The following GRAMD4 variants were observed in gnomAD, a reference collection of about 807,000 sequenced individuals.
GRAMD4 encodes the protein GRAM domain containing 4, also known as GRAM domain-containing protein 4.
A neutral mutation model predicts 83.9 loss-of-function variants in GRAMD4; 25 were observed. The observed-to-expected ratio is 0.30, with a 90% CI of 0.22 to 0.42. The LOEUF is 0.42. GRAMD4 is among the 10% of genes least tolerant of loss of function. The pLI is 1.00. For missense variants in GRAMD4, 593 were observed against 788.7 expected (o/e 0.75, Z 2.97); for synonymous variants, 336 against 320.9 (o/e 1.05, Z -0.50).
At chr22:46,652,643 TG>T (rs2082183305) in intron 3 of GRAMD4, among the ~76,000 whole-genome samples, 1 of 152,066 alleles carries the variant, frequency 6.6e-6, no homozygotes, top group South Asian at 2.1e-4. Context: ...GCGTCCTCAG[TG>T]TCTGTGAGCA....
At chr22:46,590,489 C>T (rs192959926) in intron 1 of GRAMD4, among the ~76,000 whole-genome samples, 134 of 152,300 alleles carry the variant, frequency 8.8e-4, no homozygotes, top group African/African-American at 2.9e-3. Context: ...ACCTGGGCCA[C>T]TGTGTGTGTG....
At chr22:46,669,107 A>G (rs889832139) in intron 13 of GRAMD4, among the ~76,000 whole-genome samples, 199 bp downstream of exon 13, 2 of 152,044 alleles carry the variant, frequency 1.3e-5, no homozygotes, top group African/African-American at 4.8e-5. Flanking sequence ...TTCTTAAATC[A>G]AGAAGCCCTC....
intron 1 of GRAMD4, among the ~76,000 whole-genome samples, chr22:46,597,944 A>G (rs2081278297): frequency 6.6e-6 from 1 of 151,860 alleles, no homozygotes. Context: ...ACAAGGTGGC[A>G]TTTTTTTAGT....
intron 13 of GRAMD4, among the ~76,000 whole-genome samples, chr22:46,669,547 C>T (rs1050349747): frequency 2.6e-5 from 4 of 151,732 alleles, no homozygotes; most frequent in Admixed American, 6.6e-5. Context: ...CTTTGTCTTT[C>T]TCCTTTTCTT....
At chr22:46,680,678 C>T (rs1195339489), downstream of GRAMD4, among the ~76,000 whole-genome samples, 5 of 145,064 alleles carry the variant, frequency 3.4e-5, no homozygotes, top group African/African-American at 1.3e-4. Context: ...ATCAATCCAT[C>T]CACCCACCTA....
chr22:46,611,229 T>TA (rs59341177), intron 1 of GRAMD4, among the ~76,000 whole-genome samples: 1 of 149,556 alleles, frequency 6.7e-6, no homozygotes, highest in Non-Finnish European at 1.5e-5. Context: ...AAAAAAAAAA[T>TA]ATTAAATAAA....
At chr22:46,599,089 A>C (rs537720517) in intron 1 of GRAMD4, among the ~76,000 whole-genome samples, 1 of 152,280 alleles carries the variant, frequency 6.6e-6, no homozygotes, top group South Asian at 2.1e-4. Flanking sequence ...GGATCAGATC[A>C]GGACATCCCA....
chr22:46,680,106 G>A (rs2082652410), downstream of GRAMD4, among the ~76,000 whole-genome samples: 1 of 152,226 alleles, frequency 6.6e-6, no homozygotes, highest in South Asian at 2.1e-4. Flanking sequence ...GGCACAGGGC[G>A]AAGTGGGGGA....
chr22:46,673,655 G>C lies in GRAMD4; in HGVS notation c.1240-15G>C. The C allele has an allele frequency of 6.2e-7, 1 of 1,608,516 alleles. No individual in the cohort carries two copies. On this transcript the variant is annotated splice_polypyrimidine_tract_variant and intron_variant, in intron 14 of 18. Transcript: ENST00000406902. ...GGGCAGCGGGCCTGACCTCGACGCT[G>C]TTTGCCGTTGGCAGCTGCAGACGAC...
intron 1 of GRAMD4, among the ~76,000 whole-genome samples, chr22:46,584,946 C>A (rs534585031): frequency 4.6e-5 from 7 of 152,242 alleles, no homozygotes; most frequent in Non-Finnish European, 8.8e-5. Context: ...TCCATCCTGG[C>A]CAGGTCTGTC....
chr22:46,578,008 G>A (rs929353929), intron 1 of GRAMD4, among the ~76,000 whole-genome samples: 4 of 152,210 alleles, frequency 2.6e-5, no homozygotes, highest in African/African-American at 9.6e-5. Flanking sequence ...CAGCCGGGTG[G>A]GCTGGTGCCC....
At chr22:46,612,059 A>G (rs1474900949) in intron 1 of GRAMD4, among the ~76,000 whole-genome samples, 2 of 147,272 alleles carry the variant, frequency 1.4e-5, no homozygotes, top group Non-Finnish European at 3.0e-5. Context: ...GCTGGAGTGC[A>G]GTGGTTCGAT....
At chr22:46,595,330 C>G (rs1184061317) in intron 1 of GRAMD4, among the ~76,000 whole-genome samples, 2 of 152,186 alleles carry the variant, frequency 1.3e-5, no homozygotes, top group Non-Finnish European at 2.9e-5. Flanking sequence ...TTTCACTTGG[C>G]TGCCTCTGGA....
At chr22:46,618,722 G>A (rs2081535479), upstream of GRAMD4, among the ~76,000 whole-genome samples, 1 of 152,078 alleles carries the variant, frequency 6.6e-6, no homozygotes, top group African/African-American at 2.4e-5. The surrounding 1 kb of genome is among the most constrained non-coding windows in gnomAD (Gnocchi z 5.8). Context: ...GGAGGCACGC[G>A]GCTGCCTGGA....
intron 1 of GRAMD4, among the ~76,000 whole-genome samples, chr22:46,602,661 CA>C (rs923004059): frequency 1.7e-3 from 245 of 142,918 alleles, no homozygotes; most frequent in African/African-American, 6.0e-3. Context: ...GACTCTGTCT[CA>C]AAAAAAAAAT....
intron 3 of GRAMD4, among the ~76,000 whole-genome samples, chr22:46,640,710 T>C (rs564328309): frequency 6.6e-6 from 1 of 152,158 alleles, no homozygotes; most frequent in African/African-American, 2.4e-5. Flanking sequence ...AAGAGTGTCA[T>C]GGGCCTCCCT....
At position 46,678,282 on chromosome 22, in the gene GRAMD4, T is replaced by TA. The variant is rs1405719250; in HGVS notation, c.*1032dup. On this transcript the variant is annotated 3_prime_UTR_variant, in exon 19 of 19. Transcript: ENST00000406902. Reference sequence around the variant, plus strand: ...AGAGGCTCTGGCAGCCCCTGTGCTTTAGGGAGCAACCGTGAGCCGAGCCCA... The same window carrying TA: ...AGAGGCTCTGGCAGCCCCTGTGCTTTAAGGGAGCAACCGTGAGCCGAGCCCA... The TA allele has an allele frequency of 9.1e-6, 9 of 985,442 alleles. No individual in the cohort carries two copies. Among genetic ancestry groups the TA allele is most frequent in the Non-Finnish European group, 1.1e-5 (9 of 829,966 alleles). 61.0% of individuals were successfully genotyped at this position (985,442 alleles called of 1,614,324 possible).
At chr22:46,581,455 C>A (rs2081097785) in intron 1 of GRAMD4, among the ~76,000 whole-genome samples, 1 of 152,224 alleles carries the variant, frequency 6.6e-6, no homozygotes, top group Non-Finnish European at 1.5e-5. Context: ...GGTGGCTTTG[C>A]CCCCAAGGCT....
chr22:46,668,266 C>A, intron 11 of GRAMD4, 99 bp downstream of exon 11: 1 of 806,342 alleles, frequency 1.2e-6, no homozygotes, highest in African/African-American at 1.7e-5. Flanking sequence ...CCGCCGGCCT[C>A]CGCTGCTGCC....
Sources: allele counts gnomAD v4.1 joint callset (sites outside exome capture counted in the v4.1 genomes callset), GRCh38; gene constraint gnomAD v4.1.1; non-coding constraint Gnocchi (gnomAD v3.1); transcripts MANE v1.5; gene names NCBI Gene and HGNC (gene_info 2026-07-23, HGNC 2026-07-21).